CCDC91: variants seen among roughly 807,000 people sequenced by gnomAD.
CCDC91 encodes coiled-coil domain-containing protein 91.
CCDC91 carries 48 observed loss-of-function variants against 63.2 expected under a neutral mutation model. That is an observed-to-expected ratio of 0.76 (90% CI 0.60 to 0.97). CCDC91 has a LOEUF of 0.97. Among genes scored for constraint, CCDC91 ranks in the 50% least tolerant of loss-of-function variants. CCDC91 has a pLI of 0.00. For missense variants in CCDC91, 500 were observed against 494.6 expected (o/e 1.01, Z -0.10); for synonymous variants, 167 against 165.8 (o/e 1.01, Z -0.06).
At chr12:28,454,512 C>G (rs990022877) in intron 11 of CCDC91, among the ~76,000 whole-genome samples, 1 of 152,132 alleles carries the variant, frequency 6.6e-6, no homozygotes, top group Non-Finnish European at 1.5e-5. Flanking sequence ...CTTTCCCTCC[C>G]TAGGGAGAGG....
chr12:28,504,001 G>T (rs1410011216), intron 12 of CCDC91, among the ~76,000 whole-genome samples: 3 of 151,724 alleles, frequency 2.0e-5, no homozygotes, highest in African/African-American at 4.8e-5. Context: ...TGAGTTAATG[G>T]GTACAGCACA....
chr12:28,210,737 A>G (rs140864498), intron 1 of CCDC91, among the ~76,000 whole-genome samples: 1 of 152,096 alleles, frequency 6.6e-6, no homozygotes, highest in Non-Finnish European at 1.5e-5. Context: ...GAAAAATTGA[A>G]GATGATTTGT....
chr12:28,478,753 A>C (rs976415716), intron 11 of CCDC91, among the ~76,000 whole-genome samples: 8 of 152,210 alleles, frequency 5.3e-5, no homozygotes, highest in Admixed American at 4.6e-4. Flanking sequence ...AAAGAACTTC[A>C]ACAAATTTAC....
intron 8 of CCDC91, among the ~76,000 whole-genome samples, chr12:28,419,001 T>C (rs2139868278): frequency 6.6e-6 from 1 of 152,324 alleles, no homozygotes; most frequent in African/African-American, 2.4e-5. Flanking sequence ...GTCAAAATGC[T>C]TATGTACATT....
At chr12:28,357,083 G>T (rs1175450740) in intron 6 of CCDC91, among the ~76,000 whole-genome samples, 1 of 152,140 alleles carries the variant, frequency 6.6e-6, no homozygotes, top group East Asian at 1.9e-4. Flanking sequence ...CTTTTTAAAA[G>T]AAAGCCTTGG....
chr12:28,191,404 T>C (rs1941231461), intron 1 of CCDC91: 1 of 152,278 alleles, frequency 6.6e-6, no homozygotes, highest in Non-Finnish European at 1.5e-5. Flanking sequence ...CTCGATTTCC[T>C]GGAGGGTAAA....
At chr12:28,269,065 C>G (rs1947557756) in intron 3 of CCDC91, among the ~76,000 whole-genome samples, 1 of 152,062 alleles carries the variant, frequency 6.6e-6, no homozygotes, top group African/African-American at 2.4e-5. Flanking sequence ...ACAGATATGC[C>G]CTATGCACAT....
intron 11 of CCDC91, among the ~76,000 whole-genome samples, chr12:28,477,702 A>G (rs755401645): frequency 1.1e-4 from 16 of 152,192 alleles, no homozygotes; most frequent in Non-Finnish European, 2.4e-4. Flanking sequence ...ATGATTGTAT[A>G]TCTAAAAAAC....
At chr12:28,259,262 G>A (rs1201383080) in intron 2 of CCDC91, 102 bp from the exon 3 acceptor site, 1 of 794,276 alleles carries the variant, frequency 1.3e-6, no homozygotes, top group African/African-American at 1.7e-5. Flanking sequence ...AAAATGTCTG[G>A]TGTGTTATAG....
chr12:28,228,082 A>G (rs1944379508), intron 1 of CCDC91, among the ~76,000 whole-genome samples: 1 of 152,158 alleles, frequency 6.6e-6, no homozygotes. Flanking sequence ...TTTTGCTTCT[A>G]GCCACCTATC....
At chr12:28,404,129 C>T (rs1173957956) in intron 8 of CCDC91, among the ~76,000 whole-genome samples, 1 of 151,890 alleles carries the variant, frequency 6.6e-6, no homozygotes, top group African/African-American at 2.4e-5. Context: ...TTAGATCTTT[C>T]TTCTCTTCTA....
At chr12:28,312,617 T>C (rs1356439200) in intron 6 of CCDC91, among the ~76,000 whole-genome samples, 1 of 152,068 alleles carries the variant, frequency 6.6e-6, no homozygotes, top group African/African-American at 2.4e-5. Context: ...GATGAAATAT[T>C]AGCAAAGTAA....
chr12:28,216,965 CAACTT>C (rs879386169), intron 1 of CCDC91, among the ~76,000 whole-genome samples: 9 of 152,062 alleles, frequency 5.9e-5, no homozygotes, highest in Non-Finnish European at 8.8e-5. Context: ...AAATTAGAAA[CAACTT>C]AAATGTGTAT....
chr12:28,432,150 A>G (rs534595684), intron 8 of CCDC91, among the ~76,000 whole-genome samples: 2 of 152,100 alleles, frequency 1.3e-5, no homozygotes. Flanking sequence ...ATAGGTAAAC[A>G]TGTGCCATGG....
intron 1 of CCDC91, among the ~76,000 whole-genome samples, chr12:28,243,006 T>G (rs756961816): frequency 1.1e-4 from 17 of 150,726 alleles, no homozygotes; most frequent in Admixed American, 2.0e-4. Context: ...GCCAACATTG[T>G]TTCCTGTACA....
intron 12 of CCDC91, among the ~76,000 whole-genome samples, chr12:28,548,809 A>AT (rs1469532819): frequency 2.0e-5 from 3 of 152,184 alleles, no homozygotes; most frequent in East Asian, 3.8e-4. Context: ...AATCATTCTG[A>AT]TCAAATGTAT....
At chr12:28,255,056 G>A (rs1259555522) in intron 1 of CCDC91, among the ~76,000 whole-genome samples, 1 of 152,098 alleles carries the variant, frequency 6.6e-6, no homozygotes, top group Non-Finnish European at 1.5e-5. Context: ...GATTACAGGC[G>A]TGAGCCACCG....
At chr12:28,453,178 A>G (rs1485270353) in intron 11 of CCDC91, among the ~76,000 whole-genome samples, 1 of 152,014 alleles carries the variant, frequency 6.6e-6, no homozygotes, top group South Asian at 2.1e-4. Context: ...CATGACCTAC[A>G]TGCAGAATAA....
intron 6 of CCDC91, among the ~76,000 whole-genome samples, chr12:28,328,310 T>C (rs1044842953): frequency 5.3e-5 from 8 of 152,196 alleles, no homozygotes; most frequent in African/African-American, 1.9e-4. Context: ...CAACTCATTT[T>C]TCTGCACAAA....
Sources: allele counts gnomAD v4.1 joint callset (sites outside exome capture counted in the v4.1 genomes callset), GRCh38; gene constraint gnomAD v4.1.1; transcripts MANE v1.5; gene names NCBI Gene and HGNC (gene_info 2026-07-23, HGNC 2026-07-21).